The following FLNB variants were observed in gnomAD, a reference collection of about 807,000 sequenced individuals.
FLNB encodes the protein filamin B.
A neutral mutation model predicts 250.6 loss-of-function variants in FLNB; 111 were observed. That is an observed-to-expected ratio of 0.44 (90% confidence interval 0.38 to 0.52). The LOEUF (loss-of-function observed/expected upper bound fraction) is 0.52, where lower values mean the gene tolerates loss of function less well. Ranked by LOEUF, FLNB falls within the 20% of genes least tolerant of loss-of-function variation. The pLI is 0.00. For missense variants in FLNB, 2,869 were observed against 3,447.8 expected (o/e 0.83, Z 4.20); for synonymous variants, 1,302 against 1,372.1 (o/e 0.95, Z 1.13).
rs926485787 is a variant in FLNB, at chr3:58,109,122, T to C, written c.2056-57T>C. 8.7e-6 allele frequency: 14 copies of C among 1,612,464 alleles called. No individual in the cohort carries two copies. The African/African-American group carries it at 1.5e-4, about 17-fold the overall frequency. ...CTGTCTTGGGAGGCCACAGTGACCC[T>C]GTCTGATAGAGACAGTGTGAGGGCC... On this transcript the variant is annotated intron_variant, in intron 13 of 45. Coordinates refer to ENST00000295956, the MANE Select transcript of FLNB (RefSeq NM_001457.4).
At position 58,136,050 on chromosome 3, in the gene FLNB, C is replaced by G; in HGVS notation, c.4743C>G (p.Ile1581Met). The G allele has an allele frequency of 6.2e-7, 1 of 1,614,198 alleles. No individual in the cohort carries two copies. The highest frequency in any genetic ancestry group is 1.1e-5 in the South Asian group (1 of 91,080). Reference sequence around the variant, plus strand: ...ATGGCACGTATGCTGTCACCTACATCCCCGACAAGACTGGGCGCTATATGA... The same window carrying G: ...ATGGCACGTATGCTGTCACCTACATGCCCGACAAGACTGGGCGCTATATGA... ...NKDGTYAVTY[I>M]PDKTGRYMIG... The change falls in exon 28 of 46, where the codon ATC (isoleucine) becomes ATG (methionine). Residue 1581 changes from isoleucine (I) to methionine (M), a missense_variant. Transcript: ENST00000295956.
At chr3:58,010,923 C>T (rs9841954) in intron 1 of FLNB, among the ~76,000 whole-genome samples, 3,067 of 152,136 alleles carry the variant, frequency 0.02, 94 homozygotes, top group African/African-American at 0.069. Flanking sequence ...TCCCCACCAC[C>T]GCCCCGCCTG....
intron 32 of FLNB, among the ~76,000 whole-genome samples, chr3:58,144,216 T>A (rs1559726547): frequency 6.6e-6 from 1 of 152,220 alleles, no homozygotes; most frequent in Non-Finnish European, 1.5e-5. Context: ...AACTAGACTA[T>A]CATAAATTTT....
intron 1 of FLNB, among the ~76,000 whole-genome samples, chr3:58,074,453 C>T (rs2106936866): frequency 6.6e-6 from 1 of 152,270 alleles, no homozygotes; most frequent in Non-Finnish European, 1.5e-5. Flanking sequence ...TAACAAGACT[C>T]ATACTTGCAA....
intron 32 of FLNB, among the ~76,000 whole-genome samples, chr3:58,143,845 GGTT>G (rs1313063210): frequency 6.6e-6 from 1 of 152,208 alleles, no homozygotes; most frequent in African/African-American, 2.4e-5. Flanking sequence ...TTGGGTCTGT[GGTT>G]GTTTATCTTT....
At chr3:58,112,493 A>C (rs966776205) in intron 18 of FLNB, among the ~76,000 whole-genome samples, 175 bp downstream of exon 18, 5 of 152,246 alleles carry the variant, frequency 3.3e-5, no homozygotes, top group African/African-American at 1.2e-4. Flanking sequence ...TAGGAAGCCC[A>C]ATGGGTTCTA....
rs1371186722 is a variant in FLNB, at chr3:58,054,063, G to C, written c.293-22983G>C. ...ACAAAGGACCTTCTGGGCAAAGAAGGGCCCAGTAGTGGGAAGTGCAGGAGT... is the reference window on the plus strand; with the variant it reads ...ACAAAGGACCTTCTGGGCAAAGAAGCGCCCAGTAGTGGGAAGTGCAGGAGT... On this transcript the variant is annotated intron_variant, in intron 1 of 45. Transcript: ENST00000295956. Among the ~76,000 whole-genome samples the C allele has an allele frequency of 2.6e-5, 4 of 152,268 alleles. No individual in the cohort carries two copies. In the East Asian group the frequency reaches 7.7e-4, roughly 29 times the overall value.
At chr3:58,158,470 G>A (rs1012515884) in intron 41 of FLNB, among the ~76,000 whole-genome samples, 1 of 152,186 alleles carries the variant, frequency 6.6e-6, no homozygotes, top group Non-Finnish European at 1.5e-5. Flanking sequence ...AGCATCACCT[G>A]AGAACTTCAG....
Position 58,109,617 on chromosome 3 carries a change from G to A in FLNB, c.2241G>A (p.Val747=), listed in dbSNP as rs1369983982. The A allele has an allele frequency of 1.2e-6, 2 of 1,614,084 alleles. No homozygotes were observed. The highest frequency in any genetic ancestry group is 1.3e-5 in the African/African-American group (1 of 74,934). Residue 747 remains valine, a synonymous_variant, in exon 15 of 46, where the codon GTG becomes GTA. Transcript: ENST00000295956. The part of the protein sequence containing the change: ...GQGSHPQKVK[V]FGPGVERSGL... ...GTAGCCATCCTCAGAAGGTCAAAGT[G>A]TTTGGGCCAGGTGTGGAGAGAAGTG...
At chr3:58,123,854 G>A (rs1204545427) in intron 21 of FLNB, among the ~76,000 whole-genome samples, 164 bp downstream of exon 21, 1 of 152,122 alleles carries the variant, frequency 6.6e-6, no homozygotes. Context: ...GGGGGCCCTG[G>A]TGAAGGTTAA....
rs750146555 is a variant in FLNB, at chr3:58,159,693, A to T, written c.7021+7A>T. 1.2e-6 allele frequency: 2 copies of T among 1,612,786 alleles called. No individual in the cohort carries two copies. Among genetic ancestry groups the T allele is most frequent in the South Asian group, 1.1e-5 (1 of 91,066 alleles). ...GTGTCTGAGCTGGAGCCAGGTGAGC[A>T]GGAGGCCTGCTGGGGGGTCCCAGCA... On this transcript the variant is annotated splice_region_variant and intron_variant, in intron 42 of 45. Transcript: ENST00000295956.
chr3:58,058,623 A>G (rs1040305274), intron 1 of FLNB, among the ~76,000 whole-genome samples: 4 of 152,164 alleles, frequency 2.6e-5, no homozygotes, highest in Admixed American at 6.5e-5. Context: ...GATTGTGCAA[A>G]AGGGTGTGCT....
intron 1 of FLNB, among the ~76,000 whole-genome samples, chr3:58,023,063 C>T (rs1031358445): frequency 1.3e-5 from 2 of 151,558 alleles, no homozygotes; most frequent in Non-Finnish European, 2.9e-5. Context: ...ATCCACCTGC[C>T]TCGGCCTCCT....
intron 1 of FLNB, among the ~76,000 whole-genome samples, chr3:58,036,673 T>G (rs978759843): frequency 2.6e-5 from 4 of 152,230 alleles, no homozygotes; most frequent in African/African-American, 9.6e-5. Context: ...ATTTCTAATC[T>G]TGTAGCTAAT....
chr3:58,024,722 TTTTTTTA>T lies in FLNB; in HGVS notation c.292+15867_292+15873del, dbSNP rs1177658389. On this transcript the variant is annotated intron_variant, in intron 1 of 45. Coordinates refer to ENST00000295956, the MANE Select transcript of FLNB (RefSeq NM_001457.4). Reference sequence around the variant, plus strand: ...CCTCCTTTTTTTTTTTTTTTTTTTTTTTTTTTAACCTTGAGACAGTCTTGCTTTGTTG... The same window carrying T: ...CCTCCTTTTTTTTTTTTTTTTTTTTTACCTTGAGACAGTCTTGCTTTGTTG... Among the ~76,000 whole-genome samples the T allele has an allele frequency of 1.5e-3, 153 of 100,712 alleles. 2 individuals carry two copies. Among genetic ancestry groups the T allele is most frequent in the Non-Finnish European group, 2.1e-3 (125 of 60,886 alleles). The allele number at this position is 100,712 out of a possible 152,430, so 66.1% of individuals were successfully genotyped here.
intron 43 of FLNB, among the ~76,000 whole-genome samples, chr3:58,167,430 C>T (rs1361833975): frequency 6.6e-6 from 1 of 152,256 alleles, no homozygotes; most frequent in Non-Finnish European, 1.5e-5. Context: ...AATTCTTTCT[C>T]TGGACTAGGA....
At chr3:58,094,815 G>A (rs1289902028) in intron 4 of FLNB, 21 bp from the exon 5 acceptor site, 2 of 1,602,954 alleles carry the variant, frequency 1.2e-6, no homozygotes, top group Admixed American at 3.3e-5. Flanking sequence ...CTTCTAACAT[G>A]TCTGTGTAAA....
chr3:58,163,213 T>G lies in FLNB; in HGVS notation c.7081T>G (p.Phe2361Val). The G allele has an allele frequency of 6.2e-7, 1 of 1,614,202 alleles. No homozygotes were observed. Among genetic ancestry groups the G allele is most frequent in the Non-Finnish European group, 8.5e-7 (1 of 1,180,002 alleles). The change falls in exon 43 of 46, where the codon TTC (phenylalanine) becomes GTC (valine). Residue 2361 changes from phenylalanine (F) to valine (V), a missense_variant. Transcript: ENST00000295956. ...TGGTGTCCACACCATCGATGTCAAG[T>G]TCAATGGGAGCCACGTGGTTGGAAG... Reference protein sequence around the residue: ...ENGVHTIDVKFNGSHVVGSPF... With the variant: ...ENGVHTIDVKVNGSHVVGSPF...
chr3:58,078,358 G>A (rs1249605397), intron 2 of FLNB: 4 of 1,490,238 alleles, frequency 2.7e-6, no homozygotes, highest in Admixed American at 2.4e-5. Flanking sequence ...TGCTATTCTA[G>A]ACTTTTTAGA....
Sources: gnomAD v4.1 joint callset for allele counts (sites outside exome capture counted in the v4.1 genomes callset) on GRCh38, gnomAD v4.1.1 for gene constraint, MANE v1.5 for transcripts, NCBI Gene and HGNC (gene_info 2026-07-23, HGNC 2026-07-21) for gene names.